The following SHB variants were observed in gnomAD, a reference collection of about 807,000 sequenced individuals.
SHB encodes the protein SH2 domain containing adaptor protein B.
A neutral mutation model predicts 52.3 loss-of-function variants in SHB; 20 were observed. The ratio of observed to expected loss-of-function variants is 0.38; its 90% confidence interval spans 0.27 to 0.56. The LOEUF (loss-of-function observed/expected upper bound fraction) is 0.56. SHB is among the 20% of genes least tolerant of loss of function. The pLI is 0.71. For synonymous variants in SHB, 397 were observed against 316.5 expected, an observed-to-expected ratio of 1.25 and a Z score of -2.70; for missense variants, 825 against 723.3, an observed-to-expected ratio of 1.14 and a Z score of -1.61.
At chr9:38,020,573 G>C (rs558023832) in intron 1 of SHB, among the ~76,000 whole-genome samples, 1 of 152,118 alleles carries the variant, frequency 6.6e-6, no homozygotes, top group African/African-American at 2.4e-5. Flanking sequence ...AAGAGGACCC[G>C]ACGTGCCATC....
Position 38,042,075 on chromosome 9 carries a change from G to A in SHB, c.717+25854C>T, listed in dbSNP as rs1434836894. On this transcript the variant is annotated intron_variant, in intron 1 of 5. Coordinates refer to ENST00000377707, the MANE Select transcript of SHB (RefSeq NM_003028.3). ...GGGAAACGTGCCGACGTCTGGCTTC[G>A]CCCAGAAGGCATCAAGGTTTGGAGC... Among the ~76,000 whole-genome samples, 4 of 150,414 alleles carry A rather than the reference G, an allele frequency of 2.7e-5. No homozygotes were observed. The South Asian group carries it at 6.2e-4, about 23-fold the overall frequency.
intron 1 of SHB, among the ~76,000 whole-genome samples, chr9:38,061,669 G>C (rs192200304): frequency 2.7e-3 from 415 of 152,304 alleles, no homozygotes; most frequent in African/African-American, 9.2e-3. Context: ...CAAGTCATGG[G>C]GGTTAAGCCC....
chr9:37,967,853 A>G (rs1587218358), intron 3 of SHB, among the ~76,000 whole-genome samples: 1 of 152,236 alleles, frequency 6.6e-6, no homozygotes, highest in East Asian at 1.9e-4. Flanking sequence ...TAGAATAGGG[A>G]AGGCGCGGAT....
chr9:37,959,445 T>C (rs1832670685), intron 3 of SHB, among the ~76,000 whole-genome samples: 1 of 152,132 alleles, frequency 6.6e-6, no homozygotes, highest in South Asian at 2.1e-4. Context: ...GGGACTAAGC[T>C]GGAAGTGAGG....
At chr9:38,045,433 C>CA (rs1821639626) in intron 1 of SHB, among the ~76,000 whole-genome samples, 2 of 151,480 alleles carry the variant, frequency 1.3e-5, no homozygotes, top group South Asian at 2.1e-4. Context: ...AGACCCCCCC[C>CA]ACCCCCAAGT....
chr9:37,954,331 G>T (rs1188919344), intron 4 of SHB, among the ~76,000 whole-genome samples: 1 of 152,206 alleles, frequency 6.6e-6, no homozygotes, highest in Non-Finnish European at 1.5e-5. Flanking sequence ...TGCCGGCCAT[G>T]CCAAGACCAG....
At chr9:37,992,087 T>C (rs540379939) in intron 2 of SHB, among the ~76,000 whole-genome samples, 28 of 152,334 alleles carry the variant, frequency 1.8e-4, no homozygotes, top group Middle Eastern at 6.8e-3. Context: ...TGCTGTTTTA[T>C]GGGAAAACAC....
chr9:37,970,013 G>A (rs991679035), intron 3 of SHB, among the ~76,000 whole-genome samples: 1 of 152,230 alleles, frequency 6.6e-6, no homozygotes, highest in Non-Finnish European at 1.5e-5. Flanking sequence ...GCCTGCTCTG[G>A]AAGGCTGGTG....
intron 5 of SHB, among the ~76,000 whole-genome samples, chr9:37,947,003 T>A (rs1233415061): frequency 1.3e-5 from 2 of 152,158 alleles, no homozygotes; most frequent in Non-Finnish European, 2.9e-5. Flanking sequence ...TGCCTGGTGG[T>A]GTGCACGCCC....
At position 38,043,666 on chromosome 9, in the gene SHB, G is replaced by A. The variant is rs566263417; in HGVS notation, c.717+24263C>T. Among the ~76,000 whole-genome samples the A allele has an allele frequency of 2.2e-4, 33 of 152,264 alleles. No individual in the cohort carries two copies. The South Asian group carries it at 2.5e-3, about 11-fold the overall frequency. ...GCACTTTGGGAGGCCGAGGCGGGGG[G>A]ATCACCTGAGGTCGGGAGTTTGAGA... On this transcript the variant is annotated intron_variant, in intron 1 of 5. Coordinates refer to ENST00000377707, the MANE Select transcript of SHB (RefSeq NM_003028.3).
Position 38,067,996 on chromosome 9 carries a change from C to A in SHB, c.650G>T (p.Gly217Val). 1.3e-6 allele frequency: 2 copies of A among 1,535,532 alleles called. No homozygotes were observed. The highest frequency in any genetic ancestry group is 2.0e-4 in the Middle Eastern group (1 of 5,108). ...GGCGCACTTGTTGAGCAGTTTCTTG[C>A]CTCCGCAGGCCGTCGGGCTCCAGGT... ...GRTWSPTACG[G>V]KKLLNKCAAS... is the part of the protein sequence containing the mutation. The change falls in exon 1 of 6, where the codon GGC (glycine) becomes GTC (valine). Residue 217 changes from glycine to valine, a missense_variant. Gly to Val is a moderately radical substitution (Grantham distance 109). Coordinates refer to ENST00000377707, the MANE Select transcript of SHB (RefSeq NM_003028.3).
At chr9:38,008,262 G>A (rs1485131976) in intron 2 of SHB, among the ~76,000 whole-genome samples, 2 of 152,190 alleles carry the variant, frequency 1.3e-5, no homozygotes, top group African/African-American at 4.8e-5. Flanking sequence ...AATAGGAAGT[G>A]GCTCCTAGAG....
chr9:38,030,933 T>A (rs1005728995), intron 1 of SHB, among the ~76,000 whole-genome samples: 4 of 150,310 alleles, frequency 2.7e-5, no homozygotes, highest in African/African-American at 9.9e-5. Context: ...TTTCATGGAC[T>A]ACTATACAAA....
intron 2 of SHB, among the ~76,000 whole-genome samples, chr9:37,990,515 A>T (rs1820869077): frequency 6.6e-6 from 1 of 152,180 alleles, no homozygotes; most frequent in African/African-American, 2.4e-5. Flanking sequence ...CAAATTCAGA[A>T]TTTAGCACAG....
At chr9:37,929,587 C>T (rs1196343189) in intron 5 of SHB, among the ~76,000 whole-genome samples, 5 of 152,264 alleles carry the variant, frequency 3.3e-5, no homozygotes, top group East Asian at 1.9e-4. Context: ...CTGTCATTCA[C>T]GGCTGCATTG....
intron 2 of SHB, among the ~76,000 whole-genome samples, chr9:37,987,680 G>A (rs1273793488): frequency 6.6e-6 from 1 of 152,190 alleles, no homozygotes; most frequent in East Asian, 1.9e-4. Context: ...AGGTTTATCT[G>A]ACCACATACA....
chr9:37,921,700 G>A (rs1306764986), intron 5 of SHB, among the ~76,000 whole-genome samples: 6 of 152,168 alleles, frequency 3.9e-5, no homozygotes, highest in East Asian at 3.8e-4. Context: ...GCCTAGACAC[G>A]TCTGAGAAGC....
At chr9:38,000,336 G>C (rs1349747624) in intron 2 of SHB, among the ~76,000 whole-genome samples, 1 of 152,164 alleles carries the variant, frequency 6.6e-6, no homozygotes, top group Non-Finnish European at 1.5e-5. Flanking sequence ...GCAAGTTCTC[G>C]GGCTTCAGTG....
At chr9:37,960,093 T>C (rs1246555800) in intron 3 of SHB, among the ~76,000 whole-genome samples, 1 of 152,250 alleles carries the variant, frequency 6.6e-6, no homozygotes, top group Non-Finnish European at 1.5e-5. Context: ...GCTGGCAAGC[T>C]TAATAATATA....
Sources: allele counts gnomAD v4.1 joint callset (sites outside exome capture counted in the v4.1 genomes callset), GRCh38; gene constraint gnomAD v4.1.1; transcripts MANE v1.5; gene names NCBI Gene and HGNC (gene_info 2026-07-23, HGNC 2026-07-21).